ERC1: variants seen among roughly 807,000 people sequenced by gnomAD.
The protein encoded by ERC1 is ELKS/RAB6-interacting/CAST family member 1.
A neutral mutation model predicts 132.0 loss-of-function variants in ERC1; 56 were observed. The observed-to-expected ratio is 0.42, with a 90% CI of 0.34 to 0.53. ERC1 has a LOEUF of 0.53. Among genes scored for constraint, ERC1 ranks in the 20% least tolerant of loss-of-function variants. The probability of loss-of-function intolerance (pLI) is 0.03; values close to 1 mark genes in which losing one functional copy is unlikely to be tolerated. For missense variants in ERC1, 1,202 were observed against 1,349.9 expected, an observed-to-expected ratio of 0.89 and a Z score of 1.72; for synonymous variants, 478 against 476.1, an observed-to-expected ratio of 1.00 and a Z score of -0.05.
Position 1,371,832 on chromosome 12 carries a change from G to T in ERC1, c.2781-1G>T, listed in dbSNP as rs1274205909. 2.5e-6 allele frequency: 4 copies of T among 1,612,790 alleles called. No homozygotes were observed. On this transcript the variant is annotated splice_acceptor_variant, in intron 15 of 18. Transcript: ENST00000360905. LOFTEE classifies it high-confidence loss of function. ...CTGTTGGCATTTGCTTTCTTTTGCA[G>T]GCAAGAAGCTCTTCTGGCTGCCATT...
intron 18 of ERC1, among the ~76,000 whole-genome samples, chr12:1,472,126 G>A (rs187961924): frequency 6.6e-6 from 1 of 152,338 alleles, no homozygotes; most frequent in African/African-American, 2.4e-5. Flanking sequence ...GTATTTGCCT[G>A]AGCTGCAGGT....
intron 2 of ERC1, among the ~76,000 whole-genome samples, chr12:1,055,876 G>C (rs1461126233): frequency 6.6e-6 from 1 of 152,134 alleles, no homozygotes; most frequent in African/African-American, 2.4e-5. Flanking sequence ...GGGCGTGGGT[G>C]GCTCATGTCT....
At position 1,436,987 on chromosome 12, in the gene ERC1, T is replaced by C. The variant is rs572201325; in HGVS notation, c.3025-7575T>C. Among the ~76,000 whole-genome samples, 729 of 151,474 alleles carry C rather than the reference T, an allele frequency of 4.8e-3. 9 individuals carry two copies. The highest frequency in any genetic ancestry group is 0.017 in the African/African-American group (687 of 40,748). ...AGCCATTCAGATATATATATATATA[T>C]GTACTTATACTTAACTCTTCCATTT... On this transcript the variant is annotated intron_variant, in intron 17 of 18. Coordinates refer to ENST00000360905, the MANE Select transcript of ERC1 (RefSeq NM_178040.4).
rs577833549 is a variant in ERC1 at position 1,466,247 on chromosome 12, C to T, written c.3213+21497C>T. ...CTTGGTGTATACATGGCTGCCTGCTCGCTGTGTCCTCACGTGGTCTATCCT... is the reference window on the plus strand; with the variant it reads ...CTTGGTGTATACATGGCTGCCTGCTTGCTGTGTCCTCACGTGGTCTATCCT... On this transcript the variant is annotated intron_variant, in intron 18 of 18. Transcript: ENST00000360905. Among the ~76,000 whole-genome samples the T allele has an allele frequency of 9.8e-5, 15 of 152,286 alleles. No homozygotes were observed. In the South Asian group the frequency reaches 2.7e-3, roughly 27 times the overall value.
chr12:1,001,853 C>CTTTTT (rs869097939), intron 1 of ERC1, among the ~76,000 whole-genome samples: 10 of 109,128 alleles, frequency 9.2e-5, no homozygotes, highest in African/African-American at 1.5e-4. Context: ...CTTGTAAAGT[C>CTTTTT]TTTTTTTTTT....
intron 18 of ERC1, among the ~76,000 whole-genome samples, chr12:1,472,558 G>A (rs911409593): frequency 7.2e-5 from 11 of 151,770 alleles, no homozygotes; most frequent in African/African-American, 2.7e-4. Context: ...GCTGAGGTGA[G>A]AGAATCACTT....
chr12:1,212,653 A>G (rs1957987833), intron 12 of ERC1, among the ~76,000 whole-genome samples: 1 of 152,154 alleles, frequency 6.6e-6, no homozygotes, highest in African/African-American at 2.4e-5. Flanking sequence ...TATTGGGTGA[A>G]AAGGAAAAGG....
At chr12:1,461,467 A>G (rs1459379306) in intron 18 of ERC1, among the ~76,000 whole-genome samples, 1 of 152,110 alleles carries the variant, frequency 6.6e-6, no homozygotes, top group Non-Finnish European at 1.5e-5. Context: ...CAGGATTTCG[A>G]GACCAGCCTG....
chr12:1,126,145 CTA>C (rs1000820581), intron 7 of ERC1, among the ~76,000 whole-genome samples: 10 of 152,108 alleles, frequency 6.6e-5, no homozygotes, highest in African/African-American at 2.4e-4. Flanking sequence ...TATCTTACCT[CTA>C]TTAAATTTTT....
intron 7 of ERC1, among the ~76,000 whole-genome samples, chr12:1,140,007 G>A (rs1949720346): frequency 6.6e-6 from 1 of 152,136 alleles, no homozygotes; most frequent in Non-Finnish European, 1.5e-5. Context: ...AAAGACTCTT[G>A]AAGGAGCATG....
intron 8 of ERC1, among the ~76,000 whole-genome samples, chr12:1,164,040 C>T (rs1022839504): frequency 3.9e-5 from 6 of 152,140 alleles, no homozygotes; most frequent in South Asian, 4.1e-4. Flanking sequence ...GCCCCAGCTT[C>T]TGCAGGTGCC....
intron 16 of ERC1, among the ~76,000 whole-genome samples, chr12:1,382,160 T>C (rs1402780261): frequency 6.6e-6 from 1 of 152,198 alleles, no homozygotes; most frequent in African/African-American, 2.4e-5. Context: ...GATAAATAAG[T>C]ATATAATCTT....
At chr12:1,032,756 T>C (rs1222761072) in intron 2 of ERC1, among the ~76,000 whole-genome samples, 2 of 152,230 alleles carry the variant, frequency 1.3e-5, no homozygotes, top group African/African-American at 4.8e-5. Context: ...ATACTGACTT[T>C]AGTTTTTAAT....
At position 1,400,916 on chromosome 12, in the gene ERC1, ATTTTTTTTTTTTTTTTT is replaced by A. The variant is rs869202443; in HGVS notation, c.2926-7212_2926-7196del. ...TCAATATTGTTTTGGCTATTTTTGT[ATTTTTTTTTTTTTTTTT>A]TTTTTTTTTTTTTTTTTTTTGTGAC... On this transcript the variant is annotated intron_variant, in intron 16 of 18. Transcript: ENST00000360905. 5.8e-3 allele frequency among the ~76,000 whole-genome samples: 87 copies of A among 15,042 alleles called. 1 individual carries two copies. Among genetic ancestry groups the A allele is most frequent in the Non-Finnish European group, 8.5e-3 (77 of 9,110 alleles). The allele number at this position is 15,042 out of a possible 152,430, so 9.9% of individuals were successfully genotyped here.
chr12:1,348,869 T>A (rs1221385167), intron 15 of ERC1, among the ~76,000 whole-genome samples: 3 of 152,162 alleles, frequency 2.0e-5, no homozygotes, highest in African/African-American at 7.2e-5. Flanking sequence ...CTGGAAAGCT[T>A]CAAGCCTTGA....
chr12:1,069,551 A>G (rs1939933208), intron 2 of ERC1, among the ~76,000 whole-genome samples: 1 of 152,214 alleles, frequency 6.6e-6, no homozygotes, highest in Non-Finnish European at 1.5e-5. Context: ...GTTCCTCAGT[A>G]AGTGAATGGA....
At position 1,458,393 on chromosome 12, in the gene ERC1, C is replaced by T. The variant is rs971790072; in HGVS notation, c.3213+13643C>T. 2.0e-5 allele frequency among the ~76,000 whole-genome samples: 3 copies of T among 151,954 alleles called. No homozygotes were observed. In the East Asian group the frequency reaches 5.8e-4, roughly 29 times the overall value. On this transcript the variant is annotated intron_variant, in intron 18 of 18. Transcript: ENST00000360905. ...GATATAGAAAGAGTAAAGACAAATC[C>T]TATCGTATTGGATTGTTTTTAGAGG...
In ERC1 at chr12:1,249,544, G is replaced by A. The variant is rs529944746; in HGVS notation, c.2487+12640G>A. 2.0e-3 allele frequency among the ~76,000 whole-genome samples: 308 copies of A among 152,254 alleles called. 1 individual carries two copies. Among genetic ancestry groups the A allele is most frequent in the Admixed American group, 1.8e-3 (27 of 15,294 alleles). On this transcript the variant is annotated intron_variant, in intron 13 of 18. Coordinates refer to ENST00000360905, the MANE Select transcript of ERC1 (RefSeq NM_178040.4). ...TTACTTTGTATTATATGCTAATTGT[G>A]TGCTGGTTCTTCTGCATACTTGAGC...
At chr12:1,307,698 A>AT (rs1296715768) in intron 15 of ERC1, among the ~76,000 whole-genome samples, 1 of 152,082 alleles carries the variant, frequency 6.6e-6, no homozygotes. Context: ...GCTACCCAAG[A>AT]TTTTTTTATT....
Sources: gnomAD v4.1 joint callset for allele counts (sites outside exome capture counted in the v4.1 genomes callset) on GRCh38, gnomAD v4.1.1 for gene constraint, MANE v1.5 for transcripts, NCBI Gene and HGNC (gene_info 2026-07-23, HGNC 2026-07-21) for gene names.